UIMC1: variants seen among roughly 807,000 people sequenced by gnomAD.
The protein encoded by UIMC1 is BRCA1-A complex subunit RAP80.
A neutral mutation model predicts 84.9 loss-of-function variants in UIMC1; 42 were observed. The ratio of observed to expected loss-of-function variants is 0.49; its 90% CI spans 0.39 to 0.64. The LOEUF is 0.64. Among genes scored for constraint, UIMC1 ranks in the 30% least tolerant of loss-of-function variants. UIMC1 has a pLI of 0.00. For synonymous variants in UIMC1, 281 were observed against 293.0 expected (o/e 0.96, Z 0.42); for missense variants, 825 against 847.6 (o/e 0.97, Z 0.33).
chr5:176,928,302 A>G (rs893240230), intron 10 of UIMC1, among the ~76,000 whole-genome samples: 1 of 152,142 alleles, frequency 6.6e-6, no homozygotes, highest in Non-Finnish European at 1.5e-5. Context: ...AGCCTAAAAT[A>G]TTTACTATCT....
Position 176,905,204 on chromosome 5 carries a change from A to C in UIMC1, c.*78T>G. 6.7e-7 allele frequency: 1 copy of C among 1,490,216 alleles called. No homozygotes were observed. Among genetic ancestry groups the C allele is most frequent in the Non-Finnish European group, 9.1e-7 (1 of 1,093,172 alleles). The allele number at this position is 1,490,216 out of a possible 1,614,324, so 92.3% of individuals were successfully genotyped here. ...AGGGCTAAAACTTGCTCAACAATGA[A>C]CTAGGGACCACTATGGCTTAATGAA... On this transcript the variant is annotated 3_prime_UTR_variant, in exon 15 of 15. Transcript: ENST00000511320.
intron 10 of UIMC1, among the ~76,000 whole-genome samples, chr5:176,933,266 G>T (rs950921797): frequency 1.3e-5 from 2 of 152,066 alleles, no homozygotes; most frequent in African/African-American, 4.8e-5. Flanking sequence ...ATTCTTCTTC[G>T]AAGAAGAAAT....
At chr5:176,934,739 G>T (rs1041918877) in intron 10 of UIMC1, among the ~76,000 whole-genome samples, 1 of 152,166 alleles carries the variant, frequency 6.6e-6, no homozygotes, top group Non-Finnish European at 1.5e-5. Flanking sequence ...TGACTACACC[G>T]TAAGTGGACA....
intron 1 of UIMC1, among the ~76,000 whole-genome samples, chr5:176,989,015 G>A (rs997446121): frequency 5.3e-5 from 8 of 151,936 alleles, no homozygotes; most frequent in African/African-American, 1.9e-4. Flanking sequence ...TTTTAAAAAG[G>A]GGAGCCCCGG....
chr5:176,967,903 T>TAAA (rs35985130), intron 6 of UIMC1, among the ~76,000 whole-genome samples: 159 of 134,466 alleles, frequency 1.2e-3, no homozygotes, highest in African/African-American at 4.2e-3. Context: ...ACCTTGTCTT[T>TAAA]AAAAAAAAAA....
chr5:176,926,009 T>C (rs137906504), intron 10 of UIMC1, among the ~76,000 whole-genome samples: 10 of 152,312 alleles, frequency 6.6e-5, no homozygotes, highest in South Asian at 4.1e-4. Flanking sequence ...GAGAGATACA[T>C]AGATTTGTAA....
intron 10 of UIMC1, among the ~76,000 whole-genome samples, chr5:176,938,879 T>C (rs1325468309): frequency 1.3e-5 from 2 of 152,086 alleles, no homozygotes; most frequent in Non-Finnish European, 2.9e-5. Context: ...ATTTCACCAT[T>C]GATAATGCAA....
intron 9 of UIMC1, among the ~76,000 whole-genome samples, chr5:176,946,788 T>G (rs1283133534): frequency 1.3e-5 from 2 of 151,902 alleles, no homozygotes; most frequent in Non-Finnish European, 2.9e-5. Flanking sequence ...TGAGCCGAGA[T>G]CCTACCACTG....
chr5:176,976,303 A>G (rs988304634), intron 2 of UIMC1, among the ~76,000 whole-genome samples: 4 of 152,152 alleles, frequency 2.6e-5, no homozygotes, highest in African/African-American at 9.7e-5. Flanking sequence ...AGACAAAGCA[A>G]CATCCTCATC....
Position 176,969,183 on chromosome 5 carries a change from T to C in UIMC1, c.572A>G (p.Glu191Gly), listed in dbSNP as rs1768810499. Residue 191 changes from glutamate (E) to glycine (G), a missense_variant, in exon 6 of 15, where the codon GAG becomes GGG. Glu to Gly is a moderately conservative substitution (Grantham distance 98). Transcript: ENST00000511320. ...TCCTGAGCTGCCAGAGACCGGCTCC[T>C]CTTCAGTTTTTTCAGTGTGGTCCCA... ...EPWDHTEKTE[E>G]EPVSGSSGSW... 1 of 1,614,222 alleles carries C rather than the reference T, an allele frequency of 6.2e-7. No individual in the cohort carries two copies. Among genetic ancestry groups the C allele is most frequent in the Non-Finnish European group, 8.5e-7 (1 of 1,180,034 alleles).
At chr5:176,950,100 CTTTT>C (rs779279628) in intron 9 of UIMC1, among the ~76,000 whole-genome samples, 2 of 108,648 alleles carry the variant, frequency 1.8e-5, no homozygotes, top group African/African-American at 4.0e-5. Flanking sequence ...AGGAACCTTT[CTTTT>C]TTTTTTTTTT....
Position 176,983,579 on chromosome 5 carries a change from G to A in UIMC1, c.-8-956C>T, listed in dbSNP as rs186376441. ...GAGTGCAGTGGCATGATCTCGGCTC[G>A]CTACAACCTCCACCTCCCAGCCGCC... On this transcript the variant is annotated intron_variant, in intron 1 of 14. Transcript: ENST00000511320. 9.3e-3 allele frequency among the ~76,000 whole-genome samples: 1,408 copies of A among 152,196 alleles called. 8 individuals carry two copies. Among genetic ancestry groups the A allele is most frequent in the South Asian group, 0.025 (120 of 4,824 alleles).
chr5:176,918,227 T>C (rs1433755427), intron 10 of UIMC1, among the ~76,000 whole-genome samples: 1 of 152,248 alleles, frequency 6.6e-6, no homozygotes, highest in African/African-American at 2.4e-5. Context: ...TTTGCCACCA[T>C]TCTTGGTGAT....
At chr5:176,942,136 A>G (rs1764515191) in intron 10 of UIMC1, among the ~76,000 whole-genome samples, 1 of 152,140 alleles carries the variant, frequency 6.6e-6, no homozygotes, top group Non-Finnish European at 1.5e-5. Context: ...CACCGCGCCC[A>G]GCCTCTGGTA....
intron 1 of UIMC1, among the ~76,000 whole-genome samples, chr5:176,998,555 G>A (rs928505407): frequency 2.7e-5 from 4 of 149,828 alleles, no homozygotes; most frequent in Admixed American, 1.3e-4. Flanking sequence ...ATCACCTAAG[G>A]TCAGGAGTTC....
At chr5:177,011,572 G>A (rs1775548939), upstream of UIMC1, among the ~76,000 whole-genome samples, 1 of 151,826 alleles carries the variant, frequency 6.6e-6, no homozygotes, top group Non-Finnish European at 1.5e-5. Flanking sequence ...AATAGAGTGA[G>A]ACCTTGTCTT....
At chr5:176,963,403 C>G (rs896677520) in intron 6 of UIMC1, among the ~76,000 whole-genome samples, 1 of 151,684 alleles carries the variant, frequency 6.6e-6, no homozygotes, top group African/African-American at 2.4e-5. Context: ...TGCCTGTGAC[C>G]CCAGCTACTC....
At chr5:176,908,332 T>G (rs866662344) in intron 12 of UIMC1, among the ~76,000 whole-genome samples, 191 bp downstream of exon 12, 38 of 152,340 alleles carry the variant, frequency 2.5e-4, no homozygotes, top group Admixed American at 4.6e-4. Flanking sequence ...ACTTTCCATA[T>G]TCTCTACAAT....
chr5:176,969,384 G>A, intron 5 of UIMC1, 93 bp from the exon 6 acceptor site: 1 of 1,485,550 alleles, frequency 6.7e-7, no homozygotes, highest in Non-Finnish European at 9.0e-7. Flanking sequence ...ACATAATATG[G>A]GTAAGAAAGG....
Sources: allele counts gnomAD v4.1 joint callset (sites outside exome capture counted in the v4.1 genomes callset), GRCh38; gene constraint gnomAD v4.1.1; transcripts MANE v1.5; gene names NCBI Gene and HGNC (gene_info 2026-07-23, HGNC 2026-07-21).